GIPR: variants seen among roughly 807,000 people sequenced by gnomAD.
GIPR encodes the protein GIP-R.
A neutral mutation model predicts 62.2 loss-of-function variants in GIPR; 74 were observed. That is an observed-to-expected ratio of 1.19 (90% CI 0.99 to 1.44). The LOEUF is 1.44. Among genes scored for constraint, GIPR ranks in the 40% most tolerant of loss-of-function variants. GIPR has a pLI of 0.00. For synonymous variants in GIPR, 256 were observed against 262.2 expected (o/e 0.98, Z 0.23); for missense variants, 664 against 611.8 (o/e 1.09, Z -0.90).
At position 45,678,403 on chromosome 19, in the gene GIPR, G is replaced by A. The variant is rs980918228; in HGVS notation, c.1152+177G>A. ...TTTTGAGACGGATTCTCGCCCTGTC[G>A]CCCAGGCTGGAGTACAGTGGCGCGA... On this transcript the variant is annotated intron_variant, in intron 12 of 13. Transcript: ENST00000590918. 2.4e-4 allele frequency: 185 copies of A among 783,160 alleles called. 1 individual carries two copies. Among genetic ancestry groups the A allele is most frequent in the Non-Finnish European group, 5.2e-5 (25 of 483,318 alleles). 48.5% of individuals were successfully genotyped at this position (783,160 alleles called of 1,614,324 possible).
chr19:45,672,486 T>C (rs573376703), intron 4 of GIPR: 3 of 321,402 alleles, frequency 9.3e-6, no homozygotes, highest in African/African-American at 4.3e-5. Flanking sequence ...TTTGTATTTT[T>C]AGTAGAGACA....
At chr19:45,681,689 G>A in intron 13 of GIPR, 40 bp from the exon 14 acceptor site, 1 of 1,611,384 alleles carries the variant, frequency 6.2e-7, no homozygotes, top group Non-Finnish European at 8.5e-7. Context: ...TGGCGGCAGC[G>A]CGGGGTACGG....
rs1350544696 is a variant in GIPR at position 45,683,494 on chromosome 19, A to C, written c.*1559A>C. The C allele has an allele frequency of 2.0e-5, 3 of 152,074 alleles. No homozygotes were observed. The highest frequency in any genetic ancestry group is 4.4e-5 in the Non-Finnish European group (3 of 68,040). The allele number at this position is 152,074 out of a possible 1,614,324, so 9.4% of individuals were successfully genotyped here. A position where few individuals can be genotyped will look rare whatever the true frequency, so the allele number is the denominator to read the frequency against. ...CTGTACATACACCCACAAGACCCTCACCCCTAAATCCTCCCCCTACACATA... is the reference window on the plus strand; with the variant it reads ...CTGTACATACACCCACAAGACCCTCCCCCCTAAATCCTCCCCCTACACATA... On this transcript the variant is annotated 3_prime_UTR_variant, in exon 14 of 14. Coordinates refer to ENST00000590918, the MANE Select transcript of GIPR (RefSeq NM_000164.4).
rs774702566 is a variant in GIPR, at chr19:45,671,286, C to A, written c.174C>A (p.Gly58=). 6.9e-6 allele frequency: 11 copies of A among 1,604,258 alleles called. No homozygotes were observed. Among genetic ancestry groups the A allele is most frequent in the Non-Finnish European group, 9.4e-6 (11 of 1,172,706 alleles). The stretch of plus-strand genomic sequence containing the variant: ...CCTGGCCCCCGTGCCCACCCCCAGG[C>A]CTCGCCTGTAACGGGTCCTTCGATA... ...ETLAAAEPPS[G]LACNGSFDMY... The change falls in exon 4 of 14, where the codon GGC becomes GGA. Residue 58 remains glycine, a splice_region_variant and synonymous_variant. Transcript: ENST00000590918.
At chr19:45,678,394 C>G (rs1428193334) in intron 12 of GIPR, 168 bp downstream of exon 12, 2 of 820,174 alleles carry the variant, frequency 2.4e-6, no homozygotes, top group African/African-American at 3.4e-5. Flanking sequence ...GACGGATTCT[C>G]GCCCTGTCGC....
rs541502842 is a variant in GIPR at position 45,676,698 on chromosome 19, T to C, written c.634-251T>C. Among the ~76,000 whole-genome samples, 47 of 152,054 alleles carry C rather than the reference T, an allele frequency of 3.1e-4. 1 individual carries two copies. The South Asian group carries it at 3.7e-3, about 12-fold the overall frequency. On this transcript the variant is annotated intron_variant, in intron 7 of 13. Transcript: ENST00000590918. ...ATCCGCCCACCTCGGCCTCCTAAAG[T>C]GCTGGGATTACAGGCGTGAGCCACC...
Position 45,670,907 on chromosome 19 carries a change from G to A in GIPR, c.172+173G>A, listed in dbSNP as rs1050649019. ...TGGGGCGGGACCACGGTTCCTGGGG[G>A]AGGCCTGGGAGGAAGCTTGAAATGG... On this transcript the variant is annotated intron_variant, in intron 3 of 13. Transcript: ENST00000590918. Among the ~76,000 whole-genome samples, 68 of 152,178 alleles carry A rather than the reference G, an allele frequency of 4.5e-4. 2 individuals carry two copies. Among genetic ancestry groups the A allele is most frequent in the Admixed American group, 4.5e-3 (68 of 15,260 alleles).
rs777330704 is a variant in GIPR, at chr19:45,670,658, G to T, written c.96G>T (p.Ala32=). 1.2e-6 allele frequency: 2 copies of T among 1,613,080 alleles called. No homozygotes were observed. Among genetic ancestry groups the T allele is most frequent in the Admixed American group, 3.3e-5 (2 of 59,936 alleles). Reference sequence around the variant, plus strand: ...AGACAGGCTCTAAGGGGCAGACGGCGGGGGAGCTGTACCAGCGCTGGGAAC... The same window carrying T: ...AGACAGGCTCTAAGGGGCAGACGGCTGGGGAGCTGTACCAGCGCTGGGAAC... ...RAETGSKGQT[A]GELYQRWERY... Residue 32 remains alanine (A), a synonymous_variant, in exon 3 of 14, where the codon GCG becomes GCT. Transcript: ENST00000590918.
At chr19:45,680,348 C>G (rs1466527960) in intron 12 of GIPR, among the ~76,000 whole-genome samples, 1 of 151,678 alleles carries the variant, frequency 6.6e-6, no homozygotes, top group East Asian at 1.9e-4. Context: ...GGAAACAGAA[C>G]AAGGCCCTGT....
chr19:45,669,220 C>T (rs1230810867), intron 1 of GIPR, among the ~76,000 whole-genome samples: 5 of 152,066 alleles, frequency 3.3e-5, no homozygotes, highest in African/African-American at 1.2e-4. Flanking sequence ...ACCTTTGCTG[C>T]CCCAACAACA....
intron 4 of GIPR, among the ~76,000 whole-genome samples, chr19:45,672,125 G>T (rs1340234591): frequency 6.6e-6 from 1 of 151,654 alleles, no homozygotes; most frequent in Non-Finnish European, 1.5e-5. Flanking sequence ...CGATCCTCCC[G>T]CCTCAGCCTC....
chr19:45,678,350 G>C (rs1324745744), intron 12 of GIPR, 124 bp downstream of exon 12: 2 of 1,085,736 alleles, frequency 1.8e-6, no homozygotes, highest in Non-Finnish European at 1.3e-6. Flanking sequence ...GATTTAGTTC[G>C]TTCATTAATT....
chr19:45,678,281 AG>A, intron 12 of GIPR, 55 bp downstream of exon 12: 1 of 1,534,572 alleles, frequency 6.5e-7, no homozygotes, highest in Non-Finnish European at 8.8e-7. Context: ...TCCTCCCCAG[AG>A]GGGCACGAAA....
At chr19:45,671,461 C>T in intron 4 of GIPR, 69 bp downstream of exon 4, 1 of 962,006 alleles carries the variant, frequency 1.0e-6, no homozygotes, top group Non-Finnish European at 1.7e-6. Flanking sequence ...CCCCAGACAC[C>T]TACATCCGAG....
At chr19:45,671,198 G>A (rs1975519839) in intron 3 of GIPR, 87 bp from the exon 4 acceptor site, 2 of 823,582 alleles carry the variant, frequency 2.4e-6, no homozygotes, top group Non-Finnish European at 4.2e-6. Flanking sequence ...GGCCCACTGC[G>A]GAGAAGCACT....
Position 45,677,955 on chromosome 19 carries a change from T to C in GIPR, c.974T>C (p.Leu325Pro). ...IRILGILLSK[L>P]RTRQMRCRDY... ...ATTCTTGGCATTCTCCTGTCCAAGC[T>C]GAGGACACGGCAAATGCGCTGCCGG... Residue 325 changes from leucine to proline, a missense_variant, in exon 11 of 14, where the codon CTG becomes CCG. Leu to Pro is a moderately conservative substitution (Grantham distance 98). Transcript: ENST00000590918. The C allele has an allele frequency of 6.2e-7, 1 of 1,614,040 alleles. No homozygotes were observed. The highest frequency in any genetic ancestry group is 1.1e-5 in the South Asian group (1 of 91,082).
chr19:45,672,339 C>T (rs560565847), intron 4 of GIPR, among the ~76,000 whole-genome samples: 5 of 152,012 alleles, frequency 3.3e-5, no homozygotes, highest in African/African-American at 4.8e-5. Context: ...GACAGAGTCT[C>T]GCTTTGTTGC....
chr19:45,678,414 A>T (rs984272244), intron 12 of GIPR, 188 bp downstream of exon 12: 2 of 718,446 alleles, frequency 2.8e-6, no homozygotes, highest in Non-Finnish European at 4.7e-6. Context: ...CCCAGGCTGG[A>T]GTACAGTGGC....
Position 45,674,139 on chromosome 19 carries a change from C to T in GIPR, c.450C>T (p.Ala150=), listed in dbSNP as rs769410485. 1 of 1,613,468 alleles carries T rather than the reference C, an allele frequency of 6.2e-7. No individual in the cohort carries two copies. Among genetic ancestry groups the T allele is most frequent in the Non-Finnish European group, 8.5e-7 (1 of 1,179,568 alleles). The part of the protein sequence containing the change: ...MYTVGYSLSL[A]TLLLALLILS... Reference sequence around the variant, plus strand: ...CTGTCGGCTACTCCCTGTCTCTCGCCACACTGCTGCTAGCCCTGCTCATCT... The same window carrying T: ...CTGTCGGCTACTCCCTGTCTCTCGCTACACTGCTGCTAGCCCTGCTCATCT... The change falls in exon 6 of 14, where the codon GCC becomes GCT. Residue 150 remains alanine, a synonymous_variant. Coordinates refer to ENST00000590918, the MANE Select transcript of GIPR (RefSeq NM_000164.4).
Sources: gnomAD v4.1 joint callset for allele counts (sites outside exome capture counted in the v4.1 genomes callset) on GRCh38, gnomAD v4.1.1 for gene constraint, MANE v1.5 for transcripts, NCBI Gene and HGNC (gene_info 2026-07-23, HGNC 2026-07-21) for gene names.